TRIM77: variants seen among roughly 807,000 people sequenced by gnomAD.
TRIM77 encodes tripartite motif-containing protein 77.
In TRIM77, 23 loss-of-function variants were observed where a neutral mutation model predicts 31.8. That is an observed-to-expected ratio of 0.72 (90% CI 0.52 to 1.02). TRIM77 has a LOEUF of 1.02. Ranked by LOEUF, TRIM77 falls within the 50% of genes least tolerant of loss-of-function variation. TRIM77 has a pLI of 0.00. For synonymous variants in TRIM77, 159 were observed against 183.1 expected, an observed-to-expected ratio of 0.87 and a Z score of 1.06; for missense variants, 446 against 539.2, an observed-to-expected ratio of 0.83 and a Z score of 1.71.
At chr11:89,711,770 T>C (rs1156402648) in intron 2 of TRIM77, among the ~76,000 whole-genome samples, 2 of 152,134 alleles carry the variant, frequency 1.3e-5, no homozygotes, top group East Asian at 1.9e-4. Context: ...AAAAGTGGCA[T>C]GTAAGATCAC....
At chr11:89,713,049 G>A (rs1379066160) in intron 2 of TRIM77, among the ~76,000 whole-genome samples, 2 of 151,952 alleles carry the variant, frequency 1.3e-5, no homozygotes, top group African/African-American at 2.4e-5. Context: ...CGAGGTGGGC[G>A]GATCACGAGG....
chr11:89,710,494 C>T lies in TRIM77; in HGVS notation c.196C>T (p.Arg66Cys), dbSNP rs568311416. ...REISQQMYFKRIIFAEKQVIP... is the reference protein window; with the variant it reads ...REISQQMYFKCIIFAEKQVIP... ...AATATCACAGCAAATGTACTTCAAA[C>T]GCATTATTTTTGCTGAGAAACAAGT... The change falls in exon 1 of 6, where the codon CGC becomes TGC. Residue 66 changes from arginine to cysteine, a missense_variant. Coordinates refer to ENST00000398290, the MANE Select transcript of TRIM77 (RefSeq NM_001146162.1). The T allele has an allele frequency of 8.4e-5, 131 of 1,551,444 alleles. No homozygotes were observed. Among genetic ancestry groups the T allele is most frequent in the African/African-American group, 3.6e-4 (26 of 73,132 alleles).
chr11:89,714,293 A>G lies in TRIM77; in HGVS notation c.609A>G (p.Arg203=). The change falls in exon 3 of 6, where the codon AGA becomes AGG. Residue 203 remains arginine (R), a synonymous_variant. Coordinates refer to ENST00000398290, the MANE Select transcript of TRIM77 (RefSeq NM_001146162.1). The part of the protein sequence containing the change: ...EEQKHVESLA[R]EGRIIFQQLK... The stretch of plus-strand genomic sequence containing the variant: ...AAAAGCACGTAGAGAGCCTGGCAAG[A>G]GAAGGCAGGATAATTTTTCAGCAAC... 2 of 1,551,776 alleles carry G rather than the reference A, an allele frequency of 1.3e-6. No homozygotes were observed. The highest frequency in any genetic ancestry group is 1.7e-6 in the Non-Finnish European group (2 of 1,147,002).
chr11:89,712,210 G>A (rs1448647686), intron 2 of TRIM77, among the ~76,000 whole-genome samples: 1 of 152,124 alleles, frequency 6.6e-6, no homozygotes, highest in Non-Finnish European at 1.5e-5. Flanking sequence ...GGGACCAGTA[G>A]AGAATAATAA....
intron 2 of TRIM77, among the ~76,000 whole-genome samples, 183 bp downstream of exon 2, chr11:89,711,688 T>C (rs1214941831): frequency 6.6e-6 from 1 of 152,154 alleles, no homozygotes; most frequent in East Asian, 1.9e-4. Context: ...AATATATAAC[T>C]AAAAATATCC....
intron 1 of TRIM77, among the ~76,000 whole-genome samples, 171 bp from the exon 2 acceptor site, chr11:89,711,239 C>T (rs925563107): frequency 2.0e-5 from 3 of 152,154 alleles, no homozygotes; most frequent in Admixed American, 6.5e-5. Flanking sequence ...GGGAATTCTA[C>T]CTTTGGTTTC....
In TRIM77 at chr11:89,717,657, T is replaced by C; in HGVS notation, c.1138T>C (p.Cys380Arg). ...LDSEGIFLLL[C>R]LKVDDHFSLF... ...CTCTGAGGGTATCTTTCTACTCCTG[T>C]GTCTCAAAGTGGATGACCATTTCAG... The change falls in exon 6 of 6, where the codon TGT (cysteine) becomes CGT (arginine). Residue 380 changes from cysteine to arginine, a missense_variant. Around this residue, in one of 3 missense-constraint regions of TRIM77, gnomAD observed 366 missense variants for 447.9 expected, o/e 0.82. Transcript: ENST00000398290. The C allele has an allele frequency of 6.4e-7, 1 of 1,551,324 alleles. No individual in the cohort carries two copies.
chr11:89,715,189 G>GCC lies in TRIM77; in HGVS notation c.761+12_761+13dup. Reference sequence around the variant, plus strand: ...GGAGACGTAATGAAAAGGTAAGTTTGCCCCTCTATCCAAGTCCTGGTAATT... The same window carrying GCC: ...GGAGACGTAATGAAAAGGTAAGTTTGCCCCCCTCTATCCAAGTCCTGGTAATT... On this transcript the variant is annotated intron_variant, in intron 4 of 5. Coordinates refer to ENST00000398290, the MANE Select transcript of TRIM77 (RefSeq NM_001146162.1). The GCC allele has an allele frequency of 6.4e-7, 1 of 1,551,408 alleles. No homozygotes were observed. The highest frequency in any genetic ancestry group is 1.2e-5 in the South Asian group (1 of 84,030).
intron 4 of TRIM77, 138 bp downstream of exon 4, chr11:89,715,318 A>C (rs1022935257): frequency 1.3e-6 from 1 of 754,774 alleles, no homozygotes; most frequent in African/African-American, 1.7e-5. Context: ...CAGGCTTTAT[A>C]TATTGACTAC....
chr11:89,716,655 G>A (rs1949162544), intron 5 of TRIM77, among the ~76,000 whole-genome samples: 1 of 152,044 alleles, frequency 6.6e-6, no homozygotes, highest in Admixed American at 6.6e-5. Flanking sequence ...TTTTAAAAAG[G>A]CACATATAGA....
At position 89,710,349 on chromosome 11, in the gene TRIM77, C is replaced by G. The variant is rs1391664257; in HGVS notation, c.51C>G (p.Ile17Met). The change falls in exon 1 of 6, where the codon ATC becomes ATG. Residue 17 changes from isoleucine (I) to methionine (M), a missense_variant. Ile to Met is a conservative substitution (Grantham distance 10). Around this residue, in one of 3 missense-constraint regions of TRIM77, gnomAD observed 72 missense variants for 64.7 expected, o/e 1.11. Coordinates refer to ENST00000398290, the MANE Select transcript of TRIM77 (RefSeq NM_001146162.1). ...QCSTSELTCS[I>M]CTDYLTDPVT... ...CTACCAGTGAGCTCACCTGCTCGATCTGCACAGACTATTTGACAGACCCTG... is the reference window on the plus strand; with the variant it reads ...CTACCAGTGAGCTCACCTGCTCGATGTGCACAGACTATTTGACAGACCCTG... 7 of 1,549,998 alleles carry G rather than the reference C, an allele frequency of 4.5e-6. No individual in the cohort carries two copies. The highest frequency in any genetic ancestry group is 6.1e-6 in the Non-Finnish European group (7 of 1,145,272).
chr11:89,716,889 TAAAG>T (rs1949164950), intron 5 of TRIM77, among the ~76,000 whole-genome samples: 1 of 152,188 alleles, frequency 6.6e-6, no homozygotes, highest in Admixed American at 6.5e-5. Context: ...GAGGCTTAAA[TAAAG>T]GCCCATTTTG....
Position 89,714,351 on chromosome 11 carries a change from G to T in TRIM77, c.667G>T (p.Gly223Cys), listed in dbSNP as rs1177691679. The T allele has an allele frequency of 2.6e-6, 4 of 1,551,634 alleles. No homozygotes were observed. The Admixed American group carries it at 7.8e-5, about 30-fold the overall frequency. The change falls in exon 3 of 6, where the codon GGT becomes TGT. Residue 223 changes from glycine (G) to cysteine (C), a missense_variant. Gly to Cys is a radical substitution (Grantham distance 159, BLOSUM62 -3). Around this residue, in one of 3 missense-constraint regions of TRIM77, gnomAD observed 366 missense variants for 447.9 expected, o/e 0.82. Transcript: ENST00000398290. ...AAGTCAAACTAGAATGGCTAAGATG[G>T]GTATACTCCTGAGAGAAATGTATGA... ...KRSQTRMAKM[G>C]ILLREMYEKL...
chr11:89,715,229 G>C, intron 4 of TRIM77, 49 bp downstream of exon 4: 1 of 1,516,762 alleles, frequency 6.6e-7, no homozygotes, highest in Non-Finnish European at 9.0e-7. Flanking sequence ...CAATAATCAG[G>C]CTGTTTCTGC....
rs1206815484 is a variant in TRIM77, at chr11:89,711,421, G to A, written c.423G>A (p.Leu141=). ...GTTTTGTTTTTCAGAAGAAACTCCTGATTCAAATGAAGTCCATCTGGAAAA... is the reference window on the plus strand; with the variant it reads ...GTTTTGTTTTTCAGAAGAAACTCCTAATTCAAATGAAGTCCATCTGGAAAA... ...EADEYYRKKL[L]IQMKSIWKKK... The change falls in exon 2 of 6, where the codon CTG becomes CTA. Residue 141 remains leucine (L), a synonymous_variant. Transcript: ENST00000398290. The A allele has an allele frequency of 2.0e-6, 3 of 1,466,022 alleles. No homozygotes were observed. In the South Asian group the frequency reaches 4.0e-5, roughly 19 times the overall value. 90.8% of individuals were successfully genotyped at this position (1,466,022 alleles called of 1,614,324 possible).
intron 2 of TRIM77, among the ~76,000 whole-genome samples, chr11:89,713,776 T>G (rs1729253721): frequency 6.6e-6 from 1 of 152,022 alleles, no homozygotes. Context: ...GCACCGAGTG[T>G]TTTGGAAATG....
chr11:89,714,997 A>G (rs1949149912), intron 3 of TRIM77, among the ~76,000 whole-genome samples, 161 bp from the exon 4 acceptor site: 1 of 152,186 alleles, frequency 6.6e-6, no homozygotes, highest in African/African-American at 2.4e-5. Flanking sequence ...TGGGTTTCAT[A>G]TTTATAAAGA....
intron 1 of TRIM77, 136 bp from the exon 2 acceptor site, chr11:89,711,274 A>AGT (rs1286107025): frequency 1.0e-5 from 5 of 486,404 alleles, no homozygotes; most frequent in Non-Finnish European, 1.8e-5. Flanking sequence ...CTTGACAATC[A>AGT]GTGCCCTTAA....
At chr11:89,714,635 GT>G (rs1464868634) in intron 3 of TRIM77, among the ~76,000 whole-genome samples, 7 of 152,144 alleles carry the variant, frequency 4.6e-5, no homozygotes, top group Non-Finnish European at 8.8e-5. Flanking sequence ...ATTTGGAAAA[GT>G]TCTAGTAACA....
Sources: allele counts gnomAD v4.1 joint callset (sites outside exome capture counted in the v4.1 genomes callset), GRCh38; gene constraint gnomAD v4.1.1; regional missense constraint gnomAD v4.1.1; transcripts MANE v1.5; gene names NCBI Gene and HGNC (gene_info 2026-07-23, HGNC 2026-07-21).